Variants in CFAP53 observed in about 807,000 individuals in gnomAD.
CFAP53 encodes cilia- and flagella-associated protein 53.
CFAP53 carries 62 observed loss-of-function variants against 59.7 expected under a neutral mutation model. That is an observed-to-expected ratio of 1.04 (90% confidence interval 0.85 to 1.28). CFAP53 has a LOEUF of 1.28. Ranked by LOEUF, CFAP53 falls within the 50% of genes most tolerant of loss-of-function variation. The probability of loss-of-function intolerance (pLI) is 0.00; values close to 1 mark genes in which losing one functional copy is unlikely to be tolerated. For synonymous variants in CFAP53, 218 were observed against 205.7 expected, an observed-to-expected ratio of 1.06 and a Z score of -0.51; for missense variants, 629 against 615.6, an observed-to-expected ratio of 1.02 and a Z score of -0.23.
intron 1 of CFAP53, among the ~76,000 whole-genome samples, chr18:50,264,546 T>C (rs2144440193): frequency 6.6e-6 from 1 of 152,280 alleles, no homozygotes; most frequent in Non-Finnish European, 1.5e-5. Context: ...AGACATTAAA[T>C]TTTTCACAGG....
chr18:50,257,270 G>A (rs913030179), intron 3 of CFAP53, among the ~76,000 whole-genome samples: 2 of 152,086 alleles, frequency 1.3e-5, no homozygotes, highest in South Asian at 4.1e-4. Context: ...GTCCTAGCTA[G>A]AGCAATCAGG....
chr18:50,251,099 G>T, intron 4 of CFAP53, 123 bp from the exon 5 acceptor site: 1 of 831,116 alleles, frequency 1.2e-6, no homozygotes, highest in Non-Finnish European at 1.9e-6. Context: ...GATTTAGAGA[G>T]GCTGTAAGAA....
intron 5 of CFAP53, among the ~76,000 whole-genome samples, chr18:50,244,473 A>G (rs1325924980): frequency 2.0e-5 from 3 of 152,128 alleles, no homozygotes; most frequent in Non-Finnish European, 4.4e-5. Flanking sequence ...CTTCTTTTTT[A>G]AATAAGTTAC....
chr18:50,228,457 T>C (rs1044124906), intron 7 of CFAP53, among the ~76,000 whole-genome samples: 19 of 152,126 alleles, frequency 1.2e-4, no homozygotes, highest in Admixed American at 8.5e-4. Flanking sequence ...TTTAAATATA[T>C]GACAGTTTTT....
chr18:50,244,944 T>C (rs1277800277), intron 5 of CFAP53, among the ~76,000 whole-genome samples: 1 of 150,978 alleles, frequency 6.6e-6, no homozygotes, highest in Admixed American at 6.6e-5. Context: ...AAGCCTGTAG[T>C]CCCAGCTACT....
chr18:50,233,752 T>A (rs1002851686), intron 7 of CFAP53, among the ~76,000 whole-genome samples: 11 of 152,268 alleles, frequency 7.2e-5, no homozygotes, highest in African/African-American at 2.2e-4. Context: ...CACTAACTTC[T>A]GGATATGCCC....
rs571428207 is a variant in CFAP53, at chr18:50,250,257, T to C, written c.996+501A>G. ...AAAAAAGAGAGAGAGAGAGAGAAGT[T>C]TAATTAAAAATCAAAGTACATGCAC... On this transcript the variant is annotated intron_variant, in intron 5 of 7. Coordinates refer to ENST00000398545, the MANE Select transcript of CFAP53 (RefSeq NM_145020.5). Among the ~76,000 whole-genome samples the C allele has an allele frequency of 2.2e-4, 32 of 148,234 alleles. No individual in the cohort carries two copies. In the East Asian group the frequency reaches 6.2e-3, roughly 29 times the overall value.
chr18:50,260,617 A>G (rs1369625000), intron 3 of CFAP53, among the ~76,000 whole-genome samples: 1 of 152,112 alleles, frequency 6.6e-6, no homozygotes, highest in Non-Finnish European at 1.5e-5. Context: ...AGTCATGATC[A>G]TGCCACTGCA....
chr18:50,227,976 T>TTTC (rs1568148762), intron 7 of CFAP53, among the ~76,000 whole-genome samples: 2 of 146,652 alleles, frequency 1.4e-5, no homozygotes, highest in Non-Finnish European at 3.0e-5. Context: ...TTTTTTTTTT[T>TTTC]TGAGACGGAG....
chr18:50,266,495 T>G lies in CFAP53; in HGVS notation c.-91A>C. 2.3e-6 allele frequency: 3 copies of G among 1,303,698 alleles called. No homozygotes were observed. Among genetic ancestry groups the G allele is most frequent in the Non-Finnish European group, 2.2e-6 (2 of 898,846 alleles). The allele number at this position is 1,303,698 out of a possible 1,614,324, so 80.8% of individuals were successfully genotyped here. A position where few individuals can be genotyped will look rare whatever the true frequency, so the allele number is the denominator to read the frequency against. ...GACCCGCTTCCGCGACGCAGAAGTC[T>G]GGTTGCCATGGTGCGCCTCGCGGGA... is the stretch of plus-strand genomic sequence containing the variant. On this transcript the variant is annotated 5_prime_UTR_variant, in exon 1 of 8. Transcript: ENST00000398545.
chr18:50,250,657 C>CA (rs1491296178), intron 5 of CFAP53, 101 bp downstream of exon 5: 7 of 875,400 alleles, frequency 8.0e-6, no homozygotes, highest in South Asian at 7.6e-5. Context: ...GGACCACACT[C>CA]AGAGTAGCAC....
intron 6 of CFAP53, among the ~76,000 whole-genome samples, chr18:50,240,206 T>G (rs527977413): frequency 6.6e-6 from 1 of 151,718 alleles, no homozygotes; most frequent in Admixed American, 6.6e-5. Context: ...GATTACCTGC[T>G]CCACCCTGAC....
intron 3 of CFAP53, among the ~76,000 whole-genome samples, chr18:50,252,157 G>A (rs900378720): frequency 6.6e-6 from 1 of 151,808 alleles, no homozygotes; most frequent in African/African-American, 2.4e-5. Flanking sequence ...AGGCTGGCGT[G>A]CGGTGGCACC....
chr18:50,261,741 T>C (rs1258983588), intron 2 of CFAP53, among the ~76,000 whole-genome samples: 1 of 152,152 alleles, frequency 6.6e-6, no homozygotes, highest in Non-Finnish European at 1.5e-5. Context: ...ACGAAATATA[T>C]ATTTTTAACA....
At chr18:50,257,135 C>T (rs551188212) in intron 3 of CFAP53, among the ~76,000 whole-genome samples, 3 of 152,062 alleles carry the variant, frequency 2.0e-5, no homozygotes, top group African/African-American at 7.2e-5. Context: ...AATTAAAAGA[C>T]AGATGAAATC....
chr18:50,251,137 C>T (rs1224128675), intron 4 of CFAP53, among the ~76,000 whole-genome samples, 161 bp from the exon 5 acceptor site: 1 of 152,192 alleles, frequency 6.6e-6, no homozygotes, highest in Non-Finnish European at 1.5e-5. Context: ...GTAGCTGAGT[C>T]AGCAATAAAA....
intron 7 of CFAP53, among the ~76,000 whole-genome samples, chr18:50,237,329 A>AATATATATATAT (rs1555671379): frequency 1.6e-4 from 1 of 6,344 alleles, no homozygotes; most frequent in African/African-American, 2.8e-4. Flanking sequence ...AAAAAAAAAA[A>AATATATATATAT]ATATATATAT....
intron 3 of CFAP53, among the ~76,000 whole-genome samples, chr18:50,260,671 C>T (rs2033883279): frequency 2.0e-5 from 3 of 151,928 alleles, no homozygotes; most frequent in Admixed American, 2.0e-4. Context: ...CAAAAAATGA[C>T]AACCGAAAAA....
intron 7 of CFAP53, among the ~76,000 whole-genome samples, chr18:50,233,025 TACA>T (rs1175968954): frequency 4.6e-5 from 7 of 152,190 alleles, no homozygotes; most frequent in African/African-American, 7.2e-5. Flanking sequence ...ACGGGCAAAC[TACA>T]ACAAGAAAAA....
Sources: gnomAD v4.1 joint callset for allele counts (sites outside exome capture counted in the v4.1 genomes callset) on GRCh38, gnomAD v4.1.1 for gene constraint, MANE v1.5 for transcripts, NCBI Gene and HGNC (gene_info 2026-07-23, HGNC 2026-07-21) for gene names.